Variants in BTBD19 observed in about 807,000 individuals in gnomAD.
BTBD19 encodes BTB domain containing 19.
In BTBD19, 20 loss-of-function variants were observed where a neutral mutation model predicts 36.1. That is an observed-to-expected ratio of 0.55 (90% CI 0.39 to 0.80). BTBD19 has a LOEUF of 0.80. Ranked by LOEUF, BTBD19 falls within the 30% of genes least tolerant of loss-of-function variation. The probability of loss-of-function intolerance (pLI) is 0.00; values close to 1 mark genes in which losing one functional copy is unlikely to be tolerated. For missense variants in BTBD19, 325 were observed against 389.8 expected, an observed-to-expected ratio of 0.83 and a Z score of 1.40; for synonymous variants, 157 against 174.3, an observed-to-expected ratio of 0.90 and a Z score of 0.78.
At chr1:44,811,961 G>A (rs1447608773) in intron 3 of BTBD19, 78 bp from the exon 4 acceptor site, 1 of 1,160,828 alleles carries the variant, frequency 8.6e-7, no homozygotes, top group African/African-American at 1.6e-5. Flanking sequence ...CTCCAAGCCT[G>A]CTCACTGCTT....
downstream of BTBD19, chr1:44,814,225 TCTTTCC>T (rs1489019506): frequency 9.2e-5 from 11 of 118,976 alleles, no homozygotes; most frequent in African/African-American, 3.8e-4. Flanking sequence ...TCTTTCTTTC[TCTTTCC>T]TTCCTTCCTT....
exon 1 of BTBD19, chr1:44,808,588 C>A: frequency 2.5e-6 from 1 of 401,196 alleles, no homozygotes; most frequent in South Asian, 5.1e-5. Context: ...ATAGGCCACT[C>A]CAGCCTCAGC....
At chr1:44,815,478 A>T (rs1477317493), downstream of BTBD19, 1 of 152,216 alleles carries the variant, frequency 6.6e-6, no homozygotes, top group African/African-American at 2.4e-5. Flanking sequence ...ATCTCCCTCA[A>T]GAAAGATCCC....
Position 44,813,191 on chromosome 1 carries a change from C to T in BTBD19, c.537C>T (p.Pro179=). The T allele has an allele frequency of 6.5e-7, 1 of 1,537,162 alleles. No individual in the cohort carries two copies. The highest frequency in any genetic ancestry group is 8.7e-7 in the Non-Finnish European group (1 of 1,144,678). Residue 179 remains proline (P), a synonymous_variant, in exon 6 of 8, where the codon CCC becomes CCT. Transcript: ENST00000450269. This position sits in a 1 kb window ranked among gnomAD's most constrained non-coding sequence, Gnocchi z 7.8. ...AGCTGTCGGCGGCCGCGCTGCTGCC[C>T]CTGCTCCGCAGCGACAAGCTCTGCG...
downstream of BTBD19, chr1:44,814,168 TTCTTTC>T (rs1236428371): frequency 7.2e-6 from 1 of 138,066 alleles, no homozygotes; most frequent in Admixed American, 7.6e-5. Flanking sequence ...CTTTCTTTCT[TTCTTTC>T]TTTCTTTCTT....
In BTBD19 at chr1:44,810,623, A is replaced by G; in HGVS notation, c.354+16A>G. ...ACTGAGAGAGGTGGGTTTTTGTGCCAGGTCCCTGTCTCATTTCCCTTGCTT... is the reference window on the plus strand; with the variant it reads ...ACTGAGAGAGGTGGGTTTTTGTGCCGGGTCCCTGTCTCATTTCCCTTGCTT... On this transcript the variant is annotated intron_variant, in intron 3 of 7. Transcript: ENST00000450269. The surrounding 1 kb of genome is among the most constrained non-coding windows in gnomAD (Gnocchi z 4.2). 6.5e-7 allele frequency: 1 copy of G among 1,534,172 alleles called. No individual in the cohort carries two copies. The highest frequency in any genetic ancestry group is 8.8e-7 in the Non-Finnish European group (1 of 1,137,628).
Position 44,813,798 on chromosome 1 carries a change from C to T in BTBD19, c.*26C>T. Reference sequence around the variant, plus strand: ...TCCAACGCCGGGACTCGCAGGGAGCCCTCGACCCGCCCAGCTGAGCCTGCC... The same window carrying T: ...TCCAACGCCGGGACTCGCAGGGAGCTCTCGACCCGCCCAGCTGAGCCTGCC... On this transcript the variant is annotated 3_prime_UTR_variant, in exon 8 of 8. Transcript: ENST00000450269. The surrounding 1 kb of genome is among the most constrained non-coding windows in gnomAD (Gnocchi z 7.8). 6.4e-7 allele frequency: 1 copy of T among 1,551,092 alleles called. No homozygotes were observed. The highest frequency in any genetic ancestry group is 8.7e-7 in the Non-Finnish European group (1 of 1,146,784).
chr1:44,814,148 C>CTCTTTCTTTCTT (rs1553163473), downstream of BTBD19: 3,843 of 159,018 alleles, frequency 0.024, 122 homozygotes, highest in Middle Eastern at 0.035. Flanking sequence ...CTTTTTCTTT[C>CTCTTTCTTTCTT]TCTTTCTTTC....
chr1:44,813,001 C>G lies in BTBD19; in HGVS notation c.420C>G (p.Ala140=). Residue 140 remains alanine (A), a synonymous_variant, in exon 5 of 8, where the codon GCC becomes GCG. Coordinates refer to ENST00000450269, the Ensembl canonical transcript of BTBD19. This position sits in a 1 kb window ranked among gnomAD's most constrained non-coding sequence, Gnocchi z 7.8. ...CTCCCTCATTCTGCTCGCAGGTGGCCGTAACCTTTGGCCTGGGGCAGCTGC... is the reference window on the plus strand; with the variant it reads ...CTCCCTCATTCTGCTCGCAGGTGGCGGTAACCTTTGGCCTGGGGCAGCTGC... The G allele has an allele frequency of 1.3e-6, 2 of 1,550,830 alleles. No homozygotes were observed. The highest frequency in any genetic ancestry group is 1.7e-6 in the Non-Finnish European group (2 of 1,146,466).
At chr1:44,809,890 A>G (rs536008066) in intron 1 of BTBD19, among the ~76,000 whole-genome samples, 2 of 152,212 alleles carry the variant, frequency 1.3e-5, no homozygotes, top group Non-Finnish European at 2.9e-5. Context: ...GGTGGGATCA[A>G]CCTTGCTTCT....
rs1652523215 is a variant in BTBD19, at chr1:44,813,335, C to A, written c.616-39C>A. On this transcript the variant is annotated intron_variant, in intron 6 of 7. Transcript: ENST00000450269. This position sits in a 1 kb window ranked among gnomAD's most constrained non-coding sequence, Gnocchi z 7.8. ...GCTGGCCACGAGACTGGTGAGCGGGCGGCAGGACAGGTGCCCGACTCAGGG... is the reference window on the plus strand; with the variant it reads ...GCTGGCCACGAGACTGGTGAGCGGGAGGCAGGACAGGTGCCCGACTCAGGG... 6.5e-7 allele frequency: 1 copy of A among 1,541,042 alleles called. No individual in the cohort carries two copies. The highest frequency in any genetic ancestry group is 8.7e-7 in the Non-Finnish European group (1 of 1,146,134).
In BTBD19 at chr1:44,808,788, G is replaced by T; in HGVS notation, c.-33G>T. On this transcript the variant is annotated 5_prime_UTR_variant, in exon 1 of 8. The change creates a new upstream start codon in the 5' untranslated region. Transcript: ENST00000450269. ...CTCTAGGGCCTGGCCAGGCCTCCCA[G>T]GCTCCCTCCTCCACCCCAACCCCTT... The T allele has an allele frequency of 6.7e-7, 1 of 1,492,806 alleles. No homozygotes were observed. Among genetic ancestry groups the T allele is most frequent in the Non-Finnish European group, 9.0e-7 (1 of 1,106,946 alleles). 92.5% of individuals were successfully genotyped at this position (1,492,806 alleles called of 1,614,324 possible). A position where few individuals can be genotyped will look rare whatever the true frequency, so the allele number is the denominator to read the frequency against.
rs540808373 is a variant in BTBD19 at position 44,810,098 on chromosome 1, C to T, written c.87-115C>T. On this transcript the variant is annotated intron_variant, in intron 1 of 7. Coordinates refer to ENST00000450269, the Ensembl canonical transcript of BTBD19. The surrounding 1 kb of genome is among the most constrained non-coding windows in gnomAD (Gnocchi z 4.2). Reference sequence around the variant, plus strand: ...AGACCTTCTGCTGGAGGGACGAAGCCCTGTCTCTTACATTCTGGTTAGGAA... The same window carrying T: ...AGACCTTCTGCTGGAGGGACGAAGCTCTGTCTCTTACATTCTGGTTAGGAA... The T allele has an allele frequency of 7.5e-5, 70 of 932,628 alleles. No homozygotes were observed. The African/African-American group carries it at 1.1e-3, about 15-fold the overall frequency. 57.8% of individuals were successfully genotyped at this position (932,628 alleles called of 1,614,324 possible).
rs1455623337 is a variant in BTBD19, at chr1:44,813,749, T to C, written c.853T>C (p.Phe285Leu). The C allele has an allele frequency of 5.8e-6, 9 of 1,551,402 alleles. No individual in the cohort carries two copies. Among genetic ancestry groups the C allele is most frequent in the Non-Finnish European group, 7.0e-6 (8 of 1,146,858 alleles). Residue 285 changes from phenylalanine to leucine, a missense_variant, in exon 8 of 8, where the codon TTT (phenylalanine) becomes CTT (leucine). By Grantham distance (22) the Phe-to-Leu change is conservative. Transcript: ENST00000450269. The surrounding 1 kb of genome is among the most constrained non-coding windows in gnomAD (Gnocchi z 7.8). ...CACCCTGCCCCGGGAGCATCACCGCTTTCTGGACCTGTCCTTCAAATGATC... is the reference window on the plus strand; with the variant it reads ...CACCCTGCCCCGGGAGCATCACCGCCTTCTGGACCTGTCCTTCAAATGATC...
At position 44,813,976 on chromosome 1, in the gene BTBD19, A is replaced by T; in HGVS notation, c.*204A>T. On this transcript the variant is annotated 3_prime_UTR_variant, in exon 8 of 8. Transcript: ENST00000450269. The surrounding 1 kb of genome is among the most constrained non-coding windows in gnomAD (Gnocchi z 7.8). ...TGGGCGAGGTGGGGTCGGGCCGGGCAGGGCTTGGGCTGGGCCTCCCTGAGG... is the reference window on the plus strand; with the variant it reads ...TGGGCGAGGTGGGGTCGGGCCGGGCTGGGCTTGGGCTGGGCCTCCCTGAGG... 1 of 829,660 alleles carries T rather than the reference A, an allele frequency of 1.2e-6. No homozygotes were observed. The highest frequency in any genetic ancestry group is 1.8e-6 in the Non-Finnish European group (1 of 542,468). The allele number at this position is 829,660 out of a possible 1,614,324, so 51.4% of individuals were successfully genotyped here.
chr1:44,813,839 C>T lies in BTBD19; in HGVS notation c.*67C>T. On this transcript the variant is annotated 3_prime_UTR_variant, in exon 8 of 8. Coordinates refer to ENST00000450269, the Ensembl canonical transcript of BTBD19. This position sits in a 1 kb window ranked among gnomAD's most constrained non-coding sequence, Gnocchi z 7.8. ...TGAGCCTGCCCCAAACTACAGCTCC[C>T]GAAGTGCTCGGCGTTCGGAGCGGGC... 7.1e-6 allele frequency: 11 copies of T among 1,540,914 alleles called. No individual in the cohort carries two copies. The highest frequency in any genetic ancestry group is 9.7e-6 in the Non-Finnish European group (11 of 1,138,848).
At chr1:44,814,206 C>CTTTCTTTCTTTCTTTCTTTCTT (rs1553163563), downstream of BTBD19, 1 of 137,034 alleles carries the variant, frequency 7.3e-6, no homozygotes, top group Non-Finnish European at 1.5e-5. Context: ...TTCTTTCTTT[C>CTTTCTTTCTTTCTTTCTTTCTT]TTTCTTTTTC....
intron 4 of BTBD19, 82 bp from the exon 5 acceptor site, chr1:44,812,914 G>A: frequency 7.5e-7 from 1 of 1,328,732 alleles, no homozygotes; most frequent in East Asian, 2.5e-5. Flanking sequence ...CTAGGGTCAG[G>A]CTTGCAGTGG....
At chr1:44,811,881 A>G in intron 3 of BTBD19, 158 bp from the exon 4 acceptor site, 1 of 463,956 alleles carries the variant, frequency 2.2e-6, no homozygotes, top group Non-Finnish European at 4.1e-6. Context: ...CTGCTGTCTC[A>G]GGCTCTAGCA....
Sources: gnomAD v4.1 joint callset for allele counts (sites outside exome capture counted in the v4.1 genomes callset) on GRCh38, gnomAD v4.1.1 for gene constraint, Gnocchi (gnomAD v3.1) non-coding constraint, MANE v1.5 for transcripts, NCBI Gene and HGNC (gene_info 2026-07-23, HGNC 2026-07-21) for gene names.